Variants in VASH2 observed in about 807,000 individuals in gnomAD.
The protein encoded by VASH2 is vasohibin 2.
In VASH2, 28 loss-of-function variants were observed where a neutral mutation model predicts 37.2. The ratio of observed to expected loss-of-function variants is 0.75; its 90% CI spans 0.56 to 1.03. The LOEUF (loss-of-function observed/expected upper bound fraction) is 1.03. Ranked by LOEUF, VASH2 falls within the 50% of genes least tolerant of loss-of-function variation. VASH2 has a pLI of 0.00. For missense variants in VASH2, 419 were observed against 459.1 expected (o/e 0.91, Z 0.80); for synonymous variants, 188 against 174.7 (o/e 1.08, Z -0.60).
intron 7 of VASH2, among the ~76,000 whole-genome samples, chr1:212,987,780 A>G (rs747566571): frequency 1.3e-5 from 2 of 152,326 alleles, no homozygotes; most frequent in Non-Finnish European, 2.9e-5. Flanking sequence ...ATACATTGTG[A>G]GATTGTTTAG....
intron 5 of VASH2, chr1:212,969,194 C>CT (rs35147263): frequency 0.062 from 55,908 of 897,186 alleles, 109 homozygotes; most frequent in African/African-American, 0.07. Flanking sequence ...AATTCTTCTT[C>CT]TTTTTTTTTT....
At chr1:212,967,273 T>A in intron 5 of VASH2, 2 of 1,282,308 alleles carry the variant, frequency 1.6e-6, no homozygotes, top group Non-Finnish European at 2.0e-6. Context: ...AATAGTCTCA[T>A]CCCTGCACAA....
At chr1:212,970,254 C>A (rs990310456) in intron 5 of VASH2, among the ~76,000 whole-genome samples, 1 of 152,204 alleles carries the variant, frequency 6.6e-6, no homozygotes, top group African/African-American at 2.4e-5. Context: ...CCTCCCTCTC[C>A]ATTCCCAGTT....
rs1307186482 is a variant in VASH2, at chr1:212,990,276, T to A, written c.*1692T>A. The A allele has an allele frequency of 6.6e-6, 1 of 152,194 alleles. No individual in the cohort carries two copies. Among genetic ancestry groups the A allele is most frequent in the African/African-American group, 2.4e-5 (1 of 41,450 alleles). The allele number at this position is 152,194 out of a possible 1,614,324, so 9.4% of individuals were successfully genotyped here. On this transcript the variant is annotated 3_prime_UTR_variant, in exon 8 of 8. Coordinates refer to ENST00000517399, the MANE Select transcript of VASH2 (RefSeq NM_001301056.2). ...AGTATACATCTCCATTAGATTAAAA[T>A]GTAGCACAGGGTTAAAAATTATCAG...
intron 7 of VASH2, among the ~76,000 whole-genome samples, chr1:212,984,230 A>G (rs1222390724): frequency 1.3e-5 from 2 of 152,262 alleles, no homozygotes; most frequent in Non-Finnish European, 1.5e-5. Context: ...CCAATAGCAG[A>G]ACACAGGTAA....
In VASH2 at chr1:212,951,640, C is replaced by G. The variant is rs1168972117; in HGVS notation, c.98C>G (p.Ala33Gly). 2.5e-6 allele frequency: 4 copies of G among 1,579,722 alleles called. No homozygotes were observed. Among genetic ancestry groups the G allele is most frequent in the Non-Finnish European group, 3.4e-6 (4 of 1,163,444 alleles). Residue 33 changes from alanine to glycine, a missense_variant, in exon 2 of 8, where the codon GCC (alanine) becomes GGC (glycine). Around this residue, in one of 3 missense-constraint regions of VASH2, gnomAD observed 158 missense variants for 163.0 expected, o/e 0.97. Transcript: ENST00000517399. This position sits in a 1 kb window ranked among gnomAD's most constrained non-coding sequence, Gnocchi z 4.4. ...AGCCACGCGCGGCCCGTGAGCCTCG[C>G]CACCAGCGGGGGCTCAGAGGAGGAG... ...RSSHARPVSL[A>G]TSGGSEEEDK...
Position 212,961,173 on chromosome 1 carries a change from T to C in VASH2, c.284T>C (p.Ile95Thr). Residue 95 changes from isoleucine to threonine, a missense_variant, in exon 3 of 8, where the codon ATA becomes ACA. Transcript: ENST00000517399. The stretch of plus-strand genomic sequence containing the variant: ...TTCTCTATTTTTCTGCAGCCTTCAA[T>C]ACCCCAGGTCCCAAACTACAGGCTG... The part of the protein sequence containing the change: ...RNAAFLAKPS[I>T]PQVPNYRLSM... The C allele has an allele frequency of 6.2e-7, 1 of 1,614,114 alleles. No homozygotes were observed. Among genetic ancestry groups the C allele is most frequent in the South Asian group, 1.1e-5 (1 of 91,084 alleles).
chr1:212,955,758 C>T (rs1324091870), intron 2 of VASH2, among the ~76,000 whole-genome samples: 4 of 152,202 alleles, frequency 2.6e-5, no homozygotes, highest in Admixed American at 2.0e-4. Context: ...AGTGAAGACA[C>T]GGGAGTGTTT....
chr1:212,985,225 G>A (rs1270991070), intron 7 of VASH2, among the ~76,000 whole-genome samples: 26 of 101,198 alleles, frequency 2.6e-4, no homozygotes, highest in Non-Finnish European at 4.7e-4. Flanking sequence ...TTTTTTTGTA[G>A]AGATGGGGTT....
rs1483699676 is a variant in VASH2 at position 212,988,787 on chromosome 1, A to G, written c.*203A>G. Reference sequence around the variant, plus strand: ...GGCACCATGAAAAGGCTGAAGTAATAAGCCCCACTGGGGTTGGACTATGTC... The same window carrying G: ...GGCACCATGAAAAGGCTGAAGTAATGAGCCCCACTGGGGTTGGACTATGTC... On this transcript the variant is annotated 3_prime_UTR_variant, in exon 8 of 8. Coordinates refer to ENST00000517399, the MANE Select transcript of VASH2 (RefSeq NM_001301056.2). 5 of 587,378 alleles carry G rather than the reference A, an allele frequency of 8.5e-6. No individual in the cohort carries two copies. The highest frequency in any genetic ancestry group is 1.9e-5 in the African/African-American group (1 of 53,592). 36.4% of individuals were successfully genotyped at this position (587,378 alleles called of 1,614,324 possible).
At chr1:212,963,737 A>C (rs1666752682) in intron 3 of VASH2, among the ~76,000 whole-genome samples, 1 of 152,030 alleles carries the variant, frequency 6.6e-6, no homozygotes, top group African/African-American at 2.4e-5. Context: ...GATTAACTCT[A>C]AGGAACTGAA....
intron 3 of VASH2, 119 bp from the exon 4 acceptor site, chr1:212,965,603 G>A (rs1298223716): frequency 3.4e-5 from 30 of 875,162 alleles, no homozygotes; most frequent in South Asian, 6.7e-5. Context: ...GGGTGCTGGC[G>A]ACTTCTGAAA....
intron 2 of VASH2, among the ~76,000 whole-genome samples, chr1:212,954,850 T>G (rs1179118020): frequency 2.0e-5 from 3 of 152,204 alleles, no homozygotes; most frequent in Non-Finnish European, 4.4e-5. Flanking sequence ...GCCCTAAATA[T>G]AAAGAACTTA....
chr1:212,957,234 C>T (rs1666525315), intron 2 of VASH2, among the ~76,000 whole-genome samples: 1 of 152,226 alleles, frequency 6.6e-6, no homozygotes, highest in South Asian at 2.1e-4. Context: ...TCGTGTTCCA[C>T]TGTATACCAT....
intron 4 of VASH2, 25 bp from the exon 5 acceptor site, chr1:212,966,246 T>G: frequency 6.5e-7 from 1 of 1,548,012 alleles, no homozygotes; most frequent in Non-Finnish European, 8.7e-7. Flanking sequence ...GGTTCTGAGA[T>G]CCTCTGCTGT....
At chr1:212,986,877 A>G (rs1667493933) in intron 7 of VASH2, among the ~76,000 whole-genome samples, 1 of 152,234 alleles carries the variant, frequency 6.6e-6, no homozygotes, top group Non-Finnish European at 1.5e-5. Context: ...AAAGGAGGGC[A>G]CATGGTCAAG....
At chr1:212,969,115 G>A (rs1666931042) in intron 5 of VASH2, 12 of 985,240 alleles carry the variant, frequency 1.2e-5, no homozygotes, top group South Asian at 4.7e-5. Flanking sequence ...GGAAGGTGGA[G>A]AGCTTCAGTT....
chr1:212,964,247 C>A (rs972187923), intron 3 of VASH2, among the ~76,000 whole-genome samples: 1 of 152,178 alleles, frequency 6.6e-6, no homozygotes, highest in Non-Finnish European at 1.5e-5. Context: ...TACGTGTGCT[C>A]GTGTCTGAGT....
intron 5 of VASH2, among the ~76,000 whole-genome samples, chr1:212,970,188 C>T (rs1383774061): frequency 3.3e-5 from 5 of 152,174 alleles, no homozygotes; most frequent in African/African-American, 9.7e-5. Flanking sequence ...CTGCTGCTCC[C>T]GCTTCCCTGG....
Sources: gnomAD v4.1 joint callset for allele counts (sites outside exome capture counted in the v4.1 genomes callset) on GRCh38, gnomAD v4.1.1 for gene constraint, gnomAD v4.1.1 regional missense constraint, Gnocchi (gnomAD v3.1) non-coding constraint, MANE v1.5 for transcripts, NCBI Gene and HGNC (gene_info 2026-07-23, HGNC 2026-07-21) for gene names.